The following RCOR1 variants were observed in gnomAD, a reference collection of about 807,000 sequenced individuals.
RCOR1 encodes the protein REST corepressor.
Under a neutral mutation model 64.0 loss-of-function variants are expected in RCOR1, and 12 were observed. The observed-to-expected ratio is 0.19, with a 90% CI of 0.12 to 0.30. The LOEUF is 0.30. RCOR1 is among the 10% of genes least tolerant of loss of function. The probability of loss-of-function intolerance (pLI) is 1.00; values close to 1 mark genes in which losing one functional copy is unlikely to be tolerated. For missense variants in RCOR1, 502 were observed against 621.2 expected, an observed-to-expected ratio of 0.81 and a Z score of 2.04; for synonymous variants, 279 against 227.2, an observed-to-expected ratio of 1.23 and a Z score of -2.05.
intron 2 of RCOR1, among the ~76,000 whole-genome samples, chr14:102,647,983 A>G (rs1894510457): frequency 6.6e-6 from 1 of 152,068 alleles, no homozygotes; most frequent in South Asian, 2.1e-4. Context: ...TCGGCCTATT[A>G]TTTTTAATTT....
chr14:102,723,721 G>A (rs1396282707), intron 11 of RCOR1, among the ~76,000 whole-genome samples: 2 of 152,178 alleles, frequency 1.3e-5, no homozygotes, highest in East Asian at 3.8e-4. Context: ...AGTTTCGGAA[G>A]CATTGAAAAG....
intron 2 of RCOR1, among the ~76,000 whole-genome samples, chr14:102,606,758 C>T (rs1893516934): frequency 6.6e-6 from 1 of 150,602 alleles, no homozygotes; most frequent in African/African-American, 2.5e-5. Context: ...GCCTCAGCCT[C>T]CCAGGTAGCT....
intron 2 of RCOR1, chr14:102,658,807 G>C: frequency 2.2e-5 from 6 of 270,256 alleles, no homozygotes; most frequent in Non-Finnish European, 3.4e-5. Flanking sequence ...TGTCTCCCCA[G>C]TTTGCTGTTT....
At chr14:102,707,557 A>C in intron 5 of RCOR1, 45 bp downstream of exon 5, 5 of 1,482,272 alleles carry the variant, frequency 3.4e-6, no homozygotes, top group Non-Finnish European at 2.7e-6. Context: ...TCTCCTATCT[A>C]ACTCTCTTTT....
intron 2 of RCOR1, among the ~76,000 whole-genome samples, chr14:102,648,966 C>T (rs2139927564): frequency 6.6e-6 from 1 of 151,326 alleles, no homozygotes; most frequent in African/African-American, 2.4e-5. Context: ...AAGAAATAAA[C>T]AACCAATAGA....
chr14:102,640,266 G>A (rs1327452837), intron 2 of RCOR1, among the ~76,000 whole-genome samples: 1 of 152,186 alleles, frequency 6.6e-6, no homozygotes, highest in Non-Finnish European at 1.5e-5. Context: ...GCTGTGCCCA[G>A]CCTAGTCATG....
At chr14:102,634,339 C>T (rs1894187527) in intron 2 of RCOR1, among the ~76,000 whole-genome samples, 1 of 152,020 alleles carries the variant, frequency 6.6e-6, no homozygotes, top group Non-Finnish European at 1.5e-5. Flanking sequence ...TATGCCACTG[C>T]ACTCCATCCT....
At chr14:102,676,507 ACC>A (rs200702020) in intron 2 of RCOR1, among the ~76,000 whole-genome samples, 5 of 6,536 alleles carry the variant, frequency 7.6e-4, no homozygotes, top group African/African-American at 1.6e-3. Flanking sequence ...CGGCTGGCCG[ACC>A]CCCCCCCACC....
intron 3 of RCOR1, among the ~76,000 whole-genome samples, chr14:102,688,651 A>G (rs74084104): frequency 0.052 from 7,897 of 152,164 alleles, 668 homozygotes; most frequent in African/African-American, 0.18. Context: ...GAGACCATAG[A>G]ATTGTGGGCT....
intron 4 of RCOR1, among the ~76,000 whole-genome samples, 182 bp from the exon 5 acceptor site, chr14:102,707,169 G>A (rs1449160739): frequency 6.6e-6 from 1 of 152,076 alleles, no homozygotes; most frequent in Admixed American, 6.6e-5. Flanking sequence ...AAAAAAGTAT[G>A]TGTATATTAC....
At chr14:102,664,234 T>C (rs1894875918) in intron 2 of RCOR1, among the ~76,000 whole-genome samples, 1 of 152,194 alleles carries the variant, frequency 6.6e-6, no homozygotes, top group Admixed American at 6.5e-5. Context: ...GCCTCTCTAG[T>C]AGCTGGAATT....
intron 2 of RCOR1, among the ~76,000 whole-genome samples, chr14:102,652,128 GGATT>G (rs1314498787): frequency 1.3e-5 from 2 of 152,110 alleles, no homozygotes; most frequent in African/African-American, 4.8e-5. Context: ...TGTGGTGTTT[GGATT>G]GATTATTTTA....
At chr14:102,593,706 C>G (rs1023452701) in intron 2 of RCOR1, among the ~76,000 whole-genome samples, 1 of 152,172 alleles carries the variant, frequency 6.6e-6, no homozygotes, top group Non-Finnish European at 1.5e-5. Context: ...GCGAGCGCCC[C>G]GGACTTAGGA....
intron 2 of RCOR1, among the ~76,000 whole-genome samples, chr14:102,613,239 C>T (rs1449289266): frequency 2.6e-5 from 4 of 151,582 alleles, no homozygotes. Context: ...GTAGCTGGGA[C>T]TACAGGCGTG....
chr14:102,714,671 GTT>G, intron 8 of RCOR1, 54 bp downstream of exon 8: 1 of 1,364,024 alleles, frequency 7.3e-7, no homozygotes, highest in Non-Finnish European at 1.0e-6. Context: ...CTTTAGAGGT[GTT>G]TCTGTTATTC....
intron 3 of RCOR1, among the ~76,000 whole-genome samples, chr14:102,684,149 C>G (rs1895365429): frequency 6.6e-6 from 1 of 152,232 alleles, no homozygotes; most frequent in African/African-American, 2.4e-5. Flanking sequence ...ACCCCTGCCC[C>G]CAACCCGCTG....
At chr14:102,689,892 C>T (rs1018737374) in intron 3 of RCOR1, among the ~76,000 whole-genome samples, 62 of 151,988 alleles carry the variant, frequency 4.1e-4, no homozygotes, top group Admixed American at 4.0e-3. Context: ...TACAGGCACC[C>T]GCCACCATGC....
intron 2 of RCOR1, among the ~76,000 whole-genome samples, chr14:102,599,351 C>T (rs141667442): frequency 1.6e-4 from 25 of 152,224 alleles, no homozygotes; most frequent in Non-Finnish European, 2.8e-4. Context: ...AGGCTGGTCT[C>T]GAACTCCTTG....
At chr14:102,722,823 G>GACGC (rs1445804409) in intron 11 of RCOR1, among the ~76,000 whole-genome samples, 1 of 152,228 alleles carries the variant, frequency 6.6e-6, no homozygotes. Flanking sequence ...ACATCATCAT[G>GACGC]ACGCAGCACA....
Sources: allele counts gnomAD v4.1 joint callset (sites outside exome capture counted in the v4.1 genomes callset), GRCh38; gene constraint gnomAD v4.1.1; transcripts MANE v1.5; gene names NCBI Gene and HGNC (gene_info 2026-07-23, HGNC 2026-07-21).